Variants in DNAL1 observed in about 807,000 individuals in gnomAD.
DNAL1 encodes the protein dynein axonemal light chain 1.
DNAL1 carries 17 observed loss-of-function variants against 29.4 expected under a neutral mutation model. The ratio of observed to expected loss-of-function variants is 0.58; its 90% CI spans 0.40 to 0.87. The LOEUF (loss-of-function observed/expected upper bound fraction) is 0.87. Among genes scored for constraint, DNAL1 ranks in the 40% least tolerant of loss-of-function variants. The pLI is 0.00. For missense variants in DNAL1, 188 were observed against 214.1 expected (o/e 0.88, Z 0.76); for synonymous variants, 78 against 76.3 (o/e 1.02, Z -0.12).
chr14:73,647,763 C>G (rs116551009), intron 1 of DNAL1, among the ~76,000 whole-genome samples: 39 of 152,306 alleles, frequency 2.6e-4, no homozygotes, highest in African/African-American at 8.4e-4. Flanking sequence ...CAATAAACAG[C>G]TAGATGGCTT....
At chr14:73,664,031 C>T (rs535511668) in intron 4 of DNAL1, among the ~76,000 whole-genome samples, 20 of 152,192 alleles carry the variant, frequency 1.3e-4, no homozygotes, top group African/African-American at 4.6e-4. Flanking sequence ...GTACAGGTTC[C>T]CAGGGAGACT....
At chr14:73,645,638 G>A (rs1890960854) in intron 1 of DNAL1, among the ~76,000 whole-genome samples, 1 of 152,104 alleles carries the variant, frequency 6.6e-6, no homozygotes, top group African/African-American at 2.4e-5. Flanking sequence ...TATGATTGGG[G>A]GTTTCAGGAA....
At chr14:73,674,986 T>A (rs931983581) in intron 5 of DNAL1, among the ~76,000 whole-genome samples, 5 of 151,402 alleles carry the variant, frequency 3.3e-5, no homozygotes, top group Admixed American at 6.6e-5. Context: ...ACTCAGCTAA[T>A]TTTTTTGTAT....
At chr14:73,665,813 A>T (rs1301733676) in intron 4 of DNAL1, among the ~76,000 whole-genome samples, 3 of 151,940 alleles carry the variant, frequency 2.0e-5, no homozygotes, top group African/African-American at 7.3e-5. Context: ...AATGACTATG[A>T]TAATAGTGAA....
chr14:73,662,474 T>C (rs893374779), intron 4 of DNAL1, among the ~76,000 whole-genome samples: 2 of 152,210 alleles, frequency 1.3e-5, no homozygotes, highest in Non-Finnish European at 2.9e-5. Context: ...CTGCTGTAAC[T>C]TGATGGCTTA....
At chr14:73,686,733 TA>T (rs1323971623) in intron 5 of DNAL1, among the ~76,000 whole-genome samples, 8 of 152,134 alleles carry the variant, frequency 5.3e-5, no homozygotes, top group Non-Finnish European at 1.2e-4. Context: ...ACAACTTTTT[TA>T]TGTTTGAAAA....
chr14:73,652,721 T>G (rs1434941582), intron 1 of DNAL1, among the ~76,000 whole-genome samples: 1 of 152,178 alleles, frequency 6.6e-6, no homozygotes, highest in Non-Finnish European at 1.5e-5. Context: ...CCTTCTACCT[T>G]CTTTGGGTTT....
chr14:73,677,904 G>A (rs1166338898), intron 5 of DNAL1, among the ~76,000 whole-genome samples: 1 of 146,266 alleles, frequency 6.8e-6, no homozygotes, highest in African/African-American at 2.5e-5. Context: ...GTGTGTGTGT[G>A]TGTGTGTGTG....
At chr14:73,653,306 G>T (rs1566879563) in intron 1 of DNAL1, 1 of 152,138 alleles carries the variant, frequency 6.6e-6, no homozygotes, top group African/African-American at 2.4e-5. Context: ...GTATGCGTGT[G>T]ACCTTTAGTA....
rs76960001 is a variant in DNAL1 at position 73,696,287 on chromosome 14, A to ATT, written c.*352_*353dup. 2 of 168,080 alleles carry ATT rather than the reference A, an allele frequency of 1.2e-5. No individual in the cohort carries two copies. Among genetic ancestry groups the ATT allele is most frequent in the East Asian group, 1.7e-4 (1 of 5,872 alleles). The allele number at this position is 168,080 out of a possible 1,614,324, so 10.4% of individuals were successfully genotyped here. A position where few individuals can be genotyped will look rare whatever the true frequency, so the allele number is the denominator to read the frequency against. Reference sequence around the variant, plus strand: ...AACAAATGTTTTTTTCAGTTTGTTCATTTTTTTTAGGTTAGACATTTTAAA... The same window carrying ATT: ...AACAAATGTTTTTTTCAGTTTGTTCATTTTTTTTTTAGGTTAGACATTTTAAA... On this transcript the variant is annotated 3_prime_UTR_variant, in exon 8 of 8. Transcript: ENST00000553645.
In DNAL1 at chr14:73,700,373, G is replaced by A. The variant is rs1490225618; in HGVS notation, c.*4431G>A. The A allele has an allele frequency of 6.6e-6, 1 of 151,904 alleles. No individual in the cohort carries two copies. Among genetic ancestry groups the A allele is most frequent in the Non-Finnish European group, 1.5e-5 (1 of 67,960 alleles). The allele number at this position is 151,904 out of a possible 1,614,324, so 9.4% of individuals were successfully genotyped here. A position where few individuals can be genotyped will look rare whatever the true frequency, so the allele number is the denominator to read the frequency against. On this transcript the variant is annotated 3_prime_UTR_variant, in exon 8 of 8. Coordinates refer to ENST00000553645, the MANE Select transcript of DNAL1 (RefSeq NM_031427.4). ...GTCTCAAAAAGAAAAAAAAAAATGT[G>A]GTTCTTTTGTGGAAAGAGGAATTTG...
At chr14:73,690,787 A>G (rs1340809761) in intron 7 of DNAL1, among the ~76,000 whole-genome samples, 1 of 152,188 alleles carries the variant, frequency 6.6e-6, no homozygotes, top group East Asian at 1.9e-4. Context: ...AAATAAAGAA[A>G]GTTAGGCTTA....
chr14:73,669,148 T>C (rs1220682550), intron 4 of DNAL1, among the ~76,000 whole-genome samples: 2 of 152,160 alleles, frequency 1.3e-5, no homozygotes, highest in African/African-American at 4.8e-5. Flanking sequence ...ACCTTTTTCT[T>C]TTTTTCTTTT....
intron 1 of DNAL1, among the ~76,000 whole-genome samples, chr14:73,647,822 C>T (rs182699546): frequency 2.0e-3 from 311 of 152,268 alleles, no homozygotes; most frequent in African/African-American, 7.4e-3. Context: ...TTTATGGACC[C>T]ATGCAAAAGA....
chr14:73,656,754 A>G (rs1290825174), intron 2 of DNAL1, among the ~76,000 whole-genome samples: 1 of 150,864 alleles, frequency 6.6e-6, no homozygotes, highest in African/African-American at 2.4e-5. Flanking sequence ...AGATTATTCA[A>G]AGACATCAAT....
At chr14:73,671,755 G>T (rs1234044117) in intron 5 of DNAL1, among the ~76,000 whole-genome samples, 158 bp downstream of exon 5, 1 of 152,102 alleles carries the variant, frequency 6.6e-6, no homozygotes, top group Admixed American at 6.6e-5. Context: ...CAATAGGTTT[G>T]CAACAACCTG....
intron 2 of DNAL1, among the ~76,000 whole-genome samples, chr14:73,656,815 C>T (rs1891227460): frequency 6.6e-6 from 1 of 152,052 alleles, no homozygotes; most frequent in African/African-American, 2.4e-5. Flanking sequence ...TACTAGATGT[C>T]AATTTCTCCT....
chr14:73,702,801 G>A lies in DNAL1; in HGVS notation c.*6859G>A, dbSNP rs1310621371. On this transcript the variant is annotated 3_prime_UTR_variant, in exon 8 of 8. Transcript: ENST00000553645. ...CTTCTTATTCCAGTTGTTTGATTAT[G>A]AGGATACATTTCTTGCTGCTGTCCT... 1 of 152,154 alleles carries A rather than the reference G, an allele frequency of 6.6e-6. No homozygotes were observed. Among genetic ancestry groups the A allele is most frequent in the Non-Finnish European group, 1.5e-5 (1 of 68,032 alleles). 9.4% of individuals were successfully genotyped at this position (152,154 alleles called of 1,614,324 possible).
chr14:73,680,172 A>G (rs1208134002), intron 5 of DNAL1, among the ~76,000 whole-genome samples: 1 of 152,174 alleles, frequency 6.6e-6, no homozygotes, highest in Non-Finnish European at 1.5e-5. Context: ...AATTATCTTA[A>G]TATATCTTGC....
Sources: allele counts gnomAD v4.1 joint callset (sites outside exome capture counted in the v4.1 genomes callset), GRCh38; gene constraint gnomAD v4.1.1; transcripts MANE v1.5; gene names NCBI Gene and HGNC (gene_info 2026-07-23, HGNC 2026-07-21).